Variants in DIAPH3 observed in about 807,000 individuals in gnomAD.
The protein encoded by DIAPH3 is protein diaphanous homolog 3.
DIAPH3 carries 117 observed loss-of-function variants against 144.3 expected under a neutral mutation model. The ratio of observed to expected loss-of-function variants is 0.81; its 90% CI spans 0.70 to 0.95. The LOEUF (loss-of-function observed/expected upper bound fraction) is 0.95, where lower values mean the gene tolerates loss of function less well. DIAPH3 is among the 40% of genes least tolerant of loss of function. The pLI, the probability that DIAPH3 is intolerant of heterozygous loss-of-function variation, is 0.00. For missense variants in DIAPH3, 1,421 were observed against 1,412.7 expected, an observed-to-expected ratio of 1.01 and a Z score of -0.09; for synonymous variants, 519 against 488.9, an observed-to-expected ratio of 1.06 and a Z score of -0.81.
chr13:59,891,492 C>T (rs1395028385), intron 20 of DIAPH3, among the ~76,000 whole-genome samples: 5 of 150,578 alleles, frequency 3.3e-5, no homozygotes, highest in Non-Finnish European at 7.4e-5. Context: ...AATAAAATGC[C>T]CCCACTTTTT....
chr13:59,919,120 T>C (rs1037683730), intron 18 of DIAPH3, among the ~76,000 whole-genome samples: 3 of 151,928 alleles, frequency 2.0e-5, no homozygotes, highest in African/African-American at 7.2e-5. Context: ...TATTTAAAAA[T>C]ATACTGTAAG....
chr13:60,040,511 T>C (rs2141178837), intron 5 of DIAPH3, among the ~76,000 whole-genome samples: 1 of 152,232 alleles, frequency 6.6e-6, no homozygotes, highest in Admixed American at 6.5e-5. Context: ...AATAACCCAT[T>C]GTAAGATGCA....
At chr13:59,813,378 T>G (rs376873896) in intron 24 of DIAPH3, among the ~76,000 whole-genome samples, 1 of 151,972 alleles carries the variant, frequency 6.6e-6, no homozygotes, top group East Asian at 1.9e-4. Flanking sequence ...ATTCTCAAAT[T>G]GGATTCTGCA....
chr13:59,962,858 T>A (rs2049842815), intron 17 of DIAPH3, among the ~76,000 whole-genome samples: 3 of 152,170 alleles, frequency 2.0e-5, no homozygotes. Context: ...ATACTGATCA[T>A]TTTAAATGAT....
intron 18 of DIAPH3, among the ~76,000 whole-genome samples, chr13:59,920,822 G>C (rs1365614946): frequency 6.6e-6 from 1 of 151,654 alleles, no homozygotes; most frequent in Non-Finnish European, 1.5e-5. Flanking sequence ...ACATTCTCCA[G>C]GACAGATCAT....
chr13:60,084,404 C>A (rs1162014085), intron 4 of DIAPH3, among the ~76,000 whole-genome samples: 1 of 151,956 alleles, frequency 6.6e-6, no homozygotes, highest in Admixed American at 6.6e-5. Context: ...GGGAAAGTCA[C>A]ACATTCCCTT....
At chr13:60,008,135 T>C (rs1005088686) in intron 9 of DIAPH3, among the ~76,000 whole-genome samples, 1 of 152,186 alleles carries the variant, frequency 6.6e-6, no homozygotes, top group Non-Finnish European at 1.5e-5. Context: ...GGCTCATGCC[T>C]GTAATCCCAG....
At chr13:60,075,024 A>G (rs2057333127) in intron 4 of DIAPH3, among the ~76,000 whole-genome samples, 1 of 152,188 alleles carries the variant, frequency 6.6e-6, no homozygotes, top group African/African-American at 2.4e-5. Context: ...AGTAGGGTAT[A>G]CAAGTTTTTA....
At chr13:60,150,588 G>A (rs146574183) in intron 1 of DIAPH3, among the ~76,000 whole-genome samples, 5 of 152,256 alleles carry the variant, frequency 3.3e-5, no homozygotes, top group African/African-American at 7.2e-5. Flanking sequence ...TGCCCAGCCC[G>A]TTGTATGAGC....
intron 1 of DIAPH3, among the ~76,000 whole-genome samples, chr13:60,133,337 C>T (rs2138240276): frequency 6.6e-6 from 1 of 151,744 alleles, no homozygotes; most frequent in South Asian, 2.1e-4. Flanking sequence ...AGAATGAGGG[C>T]ACATAGAAAA....
At chr13:59,902,141 CTG>C (rs2046470661) in intron 20 of DIAPH3, among the ~76,000 whole-genome samples, 1 of 152,092 alleles carries the variant, frequency 6.6e-6, no homozygotes, top group Admixed American at 6.6e-5. Flanking sequence ...TAAAGAAAAA[CTG>C]TGTATGGTTG....
chr13:60,072,766 C>G (rs931895988), intron 4 of DIAPH3, among the ~76,000 whole-genome samples: 1 of 152,038 alleles, frequency 6.6e-6, no homozygotes, highest in Non-Finnish European at 1.5e-5. Context: ...AAAGAATGCA[C>G]CTATGTTTAG....
rs780759637 is a variant in DIAPH3, at chr13:59,839,380, A to G, written c.2806T>C (p.Leu936=). Residue 936 remains leucine, a synonymous_variant, in exon 23 of 28, where the codon TTG becomes CTG. Transcript: ENST00000400324. The part of the protein sequence containing the change: ...GRQLQQLEKE[L]ETFPPPEDLH... ...TCCTCAGGAGGGGGAAAGGTTTCCAATTCCTTCTCAAGCTGTTGAAGCTGC... is the reference window on the plus strand; with the variant it reads ...TCCTCAGGAGGGGGAAAGGTTTCCAGTTCCTTCTCAAGCTGTTGAAGCTGC... 3 of 1,613,754 alleles carry G rather than the reference A, an allele frequency of 1.9e-6. No homozygotes were observed. The highest frequency in any genetic ancestry group is 1.1e-5 in the South Asian group (1 of 91,078).
At chr13:59,965,837 C>T (rs772643273) in intron 17 of DIAPH3, among the ~76,000 whole-genome samples, 4 of 151,970 alleles carry the variant, frequency 2.6e-5, no homozygotes, top group Admixed American at 6.6e-5. Flanking sequence ...ATGCTGGTAT[C>T]CCCAATGTCA....
intron 21 of DIAPH3, among the ~76,000 whole-genome samples, chr13:59,875,514 A>G (rs908224798): frequency 4.0e-5 from 6 of 151,092 alleles, no homozygotes; most frequent in Non-Finnish European, 8.9e-5. Context: ...GAGGAGGAGA[A>G]AGAGAGATTG....
intron 24 of DIAPH3, among the ~76,000 whole-genome samples, chr13:59,816,637 G>C (rs955009593): frequency 1.3e-5 from 2 of 151,166 alleles, no homozygotes; most frequent in African/African-American, 4.9e-5. Flanking sequence ...CCCTCCTTCT[G>C]GTTTCTCTAG....
intron 27 of DIAPH3, among the ~76,000 whole-genome samples, chr13:59,684,706 A>T (rs1286112681): frequency 6.6e-6 from 1 of 152,206 alleles, no homozygotes; most frequent in Admixed American, 6.5e-5. Context: ...CTAAAGATAG[A>T]TAACTCCGGG....
intron 20 of DIAPH3, among the ~76,000 whole-genome samples, chr13:59,896,761 C>T (rs2046124860): frequency 6.6e-6 from 1 of 152,196 alleles, no homozygotes; most frequent in South Asian, 2.1e-4. Context: ...CTAGCCCCAA[C>T]ATGTGCAACT....
At chr13:59,692,418 TC>T (rs1414670810) in intron 27 of DIAPH3, among the ~76,000 whole-genome samples, 2 of 98,784 alleles carry the variant, frequency 2.0e-5, no homozygotes. Context: ...AACCCCCCCA[TC>T]CCCCGACACC....
Sources: allele counts gnomAD v4.1 joint callset (sites outside exome capture counted in the v4.1 genomes callset), GRCh38; gene constraint gnomAD v4.1.1; transcripts MANE v1.5; gene names NCBI Gene and HGNC (gene_info 2026-07-23, HGNC 2026-07-21).